BCAS3: variants seen among roughly 807,000 people sequenced by gnomAD.
BCAS3 encodes the protein BCAS3 microtubule associated cell migration factor.
BCAS3 carries 53 observed loss-of-function variants against 116.1 expected under a neutral mutation model. The observed-to-expected ratio is 0.46, with a 90% CI of 0.37 to 0.57. The LOEUF (loss-of-function observed/expected upper bound fraction) is 0.57, where lower values mean the gene tolerates loss of function less well. Among genes scored for constraint, BCAS3 ranks in the 20% least tolerant of loss-of-function variants. The pLI is 0.00. For synonymous variants in BCAS3, 391 were observed against 408.2 expected (o/e 0.96, Z 0.51); for missense variants, 917 against 1,165.4 (o/e 0.79, Z 3.10).
Position 61,329,426 on chromosome 17 carries a change from C to T in BCAS3, c.2426-38901C>T, listed in dbSNP as rs1309485230. On this transcript the variant is annotated intron_variant, in intron 22 of 23. Coordinates refer to ENST00000407086, the MANE Select transcript of BCAS3 (RefSeq NM_017679.5). ...CGCGATCTCGGCTCACTGCAAGCTCCGCCTCCCGAGTTCACGCCATTCTCC... is the reference window on the plus strand; with the variant it reads ...CGCGATCTCGGCTCACTGCAAGCTCTGCCTCCCGAGTTCACGCCATTCTCC... Among the ~76,000 whole-genome samples the T allele has an allele frequency of 4.6e-5, 7 of 151,218 alleles. No homozygotes were observed. The South Asian group carries it at 6.3e-4, about 14-fold the overall frequency.
At chr17:60,921,700 G>C (rs572445837) in intron 12 of BCAS3, among the ~76,000 whole-genome samples, 2 of 151,862 alleles carry the variant, frequency 1.3e-5, no homozygotes, top group Non-Finnish European at 1.5e-5. Flanking sequence ...ACTAGAGTGG[G>C]GAGGGAGGAA....
intron 22 of BCAS3, among the ~76,000 whole-genome samples, chr17:61,094,583 C>T (rs1444271988): frequency 1.3e-5 from 2 of 152,186 alleles, no homozygotes; most frequent in Non-Finnish European, 2.9e-5. Context: ...CACGATGGCA[C>T]ACGCGTATAA....
chr17:60,680,711 C>G (rs1597995544), intron 2 of BCAS3, among the ~76,000 whole-genome samples: 2 of 151,982 alleles, frequency 1.3e-5, no homozygotes, highest in East Asian at 1.9e-4. Context: ...TCTCGGCTCG[C>G]TGCAGCCTCC....
chr17:60,855,649 A>G (rs1170828421), intron 7 of BCAS3, among the ~76,000 whole-genome samples: 1 of 151,844 alleles, frequency 6.6e-6, no homozygotes, highest in Non-Finnish European at 1.5e-5. Flanking sequence ...CAGTTCTGAT[A>G]GATGGGTAGT....
chr17:61,120,082 T>G (rs900310678), intron 22 of BCAS3, among the ~76,000 whole-genome samples: 4 of 152,144 alleles, frequency 2.6e-5, no homozygotes, highest in African/African-American at 9.6e-5. Flanking sequence ...TCAGAACTTT[T>G]ATGCAATCCC....
At chr17:60,740,512 A>G (rs530638970) in intron 5 of BCAS3, among the ~76,000 whole-genome samples, 3 of 151,526 alleles carry the variant, frequency 2.0e-5, no homozygotes, top group Admixed American at 6.6e-5. Flanking sequence ...AAAAAAAAAA[A>G]AAAGAAAAAA....
intron 22 of BCAS3, among the ~76,000 whole-genome samples, chr17:61,321,050 T>C (rs1410226932): frequency 1.3e-5 from 2 of 152,230 alleles, no homozygotes; most frequent in Admixed American, 1.3e-4. Context: ...TTCCATAACA[T>C]CCAGCTAAGA....
Position 61,243,293 on chromosome 17 carries a change from T to C in BCAS3, c.2426-125034T>C, listed in dbSNP as rs190885600. Among the ~76,000 whole-genome samples the C allele has an allele frequency of 1.1e-4, 17 of 152,376 alleles. No individual in the cohort carries two copies. The highest frequency in any genetic ancestry group is 2.0e-4 in the Admixed American group (3 of 15,312). ...ATCACCTCCAAAAGTTACCTGCTGC[T>C]CTGGCAGAATCTCTTTCTTATTTAA... On this transcript the variant is annotated intron_variant, in intron 22 of 23. Coordinates refer to ENST00000407086, the MANE Select transcript of BCAS3 (RefSeq NM_017679.5). This position sits in a 1 kb window ranked among gnomAD's most constrained non-coding sequence, Gnocchi z 5.6.
chr17:61,151,339 C>T lies in BCAS3; in HGVS notation c.2425+66775C>T, dbSNP rs1241275802. Among the ~76,000 whole-genome samples the T allele has an allele frequency of 6.6e-6, 1 of 151,708 alleles. No individual in the cohort carries two copies. The highest frequency in any genetic ancestry group is 1.5e-5 in the Non-Finnish European group (1 of 67,982). The stretch of plus-strand genomic sequence containing the variant: ...AAAGCACTCCTGGTCCCAAGCATTT[C>T]GGATAGGGGATAATCAACCTATACC... On this transcript the variant is annotated intron_variant, in intron 22 of 23. Coordinates refer to ENST00000407086, the MANE Select transcript of BCAS3 (RefSeq NM_017679.5). This position sits in a 1 kb window ranked among gnomAD's most constrained non-coding sequence, Gnocchi z 4.8.
intron 5 of BCAS3, among the ~76,000 whole-genome samples, chr17:60,735,456 A>G (rs2144188221): frequency 6.6e-6 from 1 of 151,390 alleles, no homozygotes; most frequent in Non-Finnish European, 1.5e-5. Flanking sequence ...ATTTTATTGT[A>G]TTTTATTTTA....
At chr17:60,980,845 T>G (rs1191251058) in intron 14 of BCAS3, among the ~76,000 whole-genome samples, 1 of 151,926 alleles carries the variant, frequency 6.6e-6, no homozygotes, top group Non-Finnish European at 1.5e-5. Flanking sequence ...CTTTATTTAT[T>G]TATTTATTTA....
chr17:61,014,665 C>G (rs1200855937), intron 15 of BCAS3, among the ~76,000 whole-genome samples: 7 of 150,862 alleles, frequency 4.6e-5, no homozygotes, highest in Admixed American at 4.6e-4. Flanking sequence ...AAAAAAAGGG[C>G]ATCTAGACTG....
In BCAS3 at chr17:61,073,867, T is replaced by A. The variant is rs1480431055; in HGVS notation, c.2030-1053T>A. On this transcript the variant is annotated intron_variant, in intron 19 of 23. Coordinates refer to ENST00000407086, the MANE Select transcript of BCAS3 (RefSeq NM_017679.5). The surrounding 1 kb of genome is among the most constrained non-coding windows in gnomAD (Gnocchi z 4.6). ...GTTCATGCCTGTAATCCCAGCACTCTGAGAGCCAAAGCCAGAGGATCACTT... is the reference window on the plus strand; with the variant it reads ...GTTCATGCCTGTAATCCCAGCACTCAGAGAGCCAAAGCCAGAGGATCACTT... Among the ~76,000 whole-genome samples, 1 of 152,122 alleles carries A rather than the reference T, an allele frequency of 6.6e-6. No homozygotes were observed.
In BCAS3 at chr17:61,181,978, A is replaced by G. The variant is rs531404999; in HGVS notation, c.2425+97414A>G. On this transcript the variant is annotated intron_variant, in intron 22 of 23. Transcript: ENST00000407086. The surrounding 1 kb of genome is among the most constrained non-coding windows in gnomAD (Gnocchi z 5.0). ...ACCCTCAACCTCTTGGGCTCAAGGGATCTTCCCACCTCAGCCTGCCTTGTA... is the reference window on the plus strand; with the variant it reads ...ACCCTCAACCTCTTGGGCTCAAGGGGTCTTCCCACCTCAGCCTGCCTTGTA... 9.2e-5 allele frequency among the ~76,000 whole-genome samples: 14 copies of G among 151,582 alleles called. No individual in the cohort carries two copies. The South Asian group carries it at 2.9e-3, about 32-fold the overall frequency.
Position 61,150,153 on chromosome 17 carries a change from A to C in BCAS3, c.2425+65589A>C, listed in dbSNP as rs140280113. Among the ~76,000 whole-genome samples, 596 of 152,304 alleles carry C rather than the reference A, an allele frequency of 3.9e-3. 4 individuals are homozygous for C. The highest frequency in any genetic ancestry group is 6.9e-3 in the Non-Finnish European group (467 of 68,008). On this transcript the variant is annotated intron_variant, in intron 22 of 23. Transcript: ENST00000407086. The stretch of plus-strand genomic sequence containing the variant: ...TTGTTTGCTTAGCCAATCATCCTGT[A>C]ATTGGCCAGGAGGTTAATAGGAGTC...
rs2074494863 is a variant in BCAS3, at chr17:61,104,131, T to C, written c.2425+19567T>C. On this transcript the variant is annotated intron_variant, in intron 22 of 23. Coordinates refer to ENST00000407086, the MANE Select transcript of BCAS3 (RefSeq NM_017679.5). This position sits in a 1 kb window ranked among gnomAD's most constrained non-coding sequence, Gnocchi z 4.1. ...TTACAAATGGTTTCATTTACCAAAA[T>C]GACTATTTCACTTGGAAAGTTTTGT... 1.3e-5 allele frequency among the ~76,000 whole-genome samples: 2 copies of C among 152,190 alleles called. No individual in the cohort carries two copies.
At chr17:60,988,316 TCTTTC>T (rs1358091956) in intron 14 of BCAS3, among the ~76,000 whole-genome samples, 1 of 148,370 alleles carries the variant, frequency 6.7e-6, no homozygotes, top group African/African-American at 2.5e-5. Context: ...TCTTTTCTTT[TCTTTC>T]CTTTTCTTTT....
chr17:60,709,216 C>T lies in BCAS3; in HGVS notation c.215-3C>T, dbSNP rs777449012. The T allele has an allele frequency of 3.5e-6, 5 of 1,423,382 alleles. No individual in the cohort carries two copies. The highest frequency in any genetic ancestry group is 1.9e-5 in the Admixed American group (1 of 53,908). The allele number at this position is 1,423,382 out of a possible 1,614,324, so 88.2% of individuals were successfully genotyped here. A position where few individuals can be genotyped will look rare whatever the true frequency, so the allele number is the denominator to read the frequency against. On this transcript the variant is annotated splice_polypyrimidine_tract_variant and splice_region_variant and intron_variant, in intron 4 of 23. Coordinates refer to ENST00000407086, the MANE Select transcript of BCAS3 (RefSeq NM_017679.5). ...GCTTCTTTGTTACTTAATTCTAATG[C>T]AGATACATCAAGAAATCTGGAATTT... is the stretch of plus-strand genomic sequence containing the variant.
chr17:60,744,577 C>T (rs2041874485), intron 5 of BCAS3, among the ~76,000 whole-genome samples: 1 of 152,122 alleles, frequency 6.6e-6, no homozygotes, highest in African/African-American at 2.4e-5. Context: ...GGAAGTTTGA[C>T]ATTTTGTGAC....
Sources: gnomAD v4.1 joint callset for allele counts (sites outside exome capture counted in the v4.1 genomes callset) on GRCh38, gnomAD v4.1.1 for gene constraint, Gnocchi (gnomAD v3.1) non-coding constraint, MANE v1.5 for transcripts, NCBI Gene and HGNC (gene_info 2026-07-23, HGNC 2026-07-21) for gene names.